SAMD12: variants seen among roughly 807,000 people sequenced by gnomAD.
SAMD12 encodes the protein sterile alpha motif domain containing 12.
In SAMD12, 9 loss-of-function variants were observed where a neutral mutation model predicts 15.0. The observed-to-expected ratio is 0.60, with a 90% confidence interval of 0.36 to 1.05. The LOEUF (loss-of-function observed/expected upper bound fraction) is 1.05. Ranked by LOEUF, SAMD12 falls within the 50% of genes least tolerant of loss-of-function variation. The pLI is 0.01. For synonymous variants in SAMD12, 86 were observed against 90.1 expected (o/e 0.96, Z 0.25); for missense variants, 230 against 234.2 (o/e 0.98, Z 0.12).
intron 2 of SAMD12, among the ~76,000 whole-genome samples, chr8:118,531,478 G>T (rs546233557): frequency 1.3e-5 from 2 of 152,274 alleles, no homozygotes; most frequent in East Asian, 3.9e-4. Flanking sequence ...GTCATTGATA[G>T]CTTGATGGGG....
At chr8:118,459,348 G>T (rs1301688674) in intron 2 of SAMD12, among the ~76,000 whole-genome samples, 1 of 152,094 alleles carries the variant, frequency 6.6e-6, no homozygotes, top group African/African-American at 2.4e-5. Context: ...TTACAGATGT[G>T]AGCCACCACA....
At chr8:118,364,449 ACTC>A (rs1314770873) in intron 4 of SAMD12, among the ~76,000 whole-genome samples, 1 of 151,860 alleles carries the variant, frequency 6.6e-6, no homozygotes, top group African/African-American at 2.4e-5. Context: ...AGAGCTGAAA[ACTC>A]CTTCTGAATT....
chr8:118,326,238 C>T lies in SAMD12; in HGVS notation c.433+53322G>A, dbSNP rs77954438. On this transcript the variant is annotated intron_variant, in intron 4 of 4. Coordinates refer to the SAMD12 transcript ENST00000409003. The stretch of plus-strand genomic sequence containing the variant: ...TTGCAGGGATTGAAAATGCAAATGA[C>T]AACTAAGTTTTCTCATAAGGAACTC... Among the ~76,000 whole-genome samples the T allele has an allele frequency of 6.0e-4, 91 of 152,174 alleles. 4 individuals are homozygous for T. In the East Asian group the frequency reaches 0.016, roughly 27 times the overall value.
Position 118,599,525 on chromosome 8 carries a change from C to T in SAMD12, c.14-18632G>A, listed in dbSNP as rs147000856. 3.5e-3 allele frequency among the ~76,000 whole-genome samples: 537 copies of T among 152,288 alleles called. 1 individual carries two copies. The highest frequency in any genetic ancestry group is 5.4e-3 in the Non-Finnish European group (366 of 68,034). Reference sequence around the variant, plus strand: ...CTGGTACCGCTTCTGTCAAAAGGCTCCCGCTCGTGGGGTGCTCAGTAAATA... The same window carrying T: ...CTGGTACCGCTTCTGTCAAAAGGCTTCCGCTCGTGGGGTGCTCAGTAAATA... On this transcript the variant is annotated intron_variant, in intron 1 of 3. Coordinates refer to ENST00000314727, the MANE Select transcript of SAMD12 (RefSeq NM_207506.3).
chr8:118,472,285 T>TA (rs573240063), intron 2 of SAMD12, among the ~76,000 whole-genome samples: 1,490 of 138,104 alleles, frequency 0.011, 25 homozygotes, highest in Middle Eastern at 0.031. Context: ...AGACTCCATC[T>TA]AAAAAAAAAA....
At chr8:118,444,382 C>T (rs1203787276) in intron 2 of SAMD12, among the ~76,000 whole-genome samples, 1 of 152,134 alleles carries the variant, frequency 6.6e-6, no homozygotes, top group African/African-American at 2.4e-5. Flanking sequence ...AAGCAGAATT[C>T]CAGACATTTC....
At chr8:118,317,663 G>A (rs568738908) in intron 4 of SAMD12, among the ~76,000 whole-genome samples, 83 of 152,296 alleles carry the variant, frequency 5.4e-4, no homozygotes, top group African/African-American at 2.0e-3. Context: ...TGCTAGTAAT[G>A]TTCTATTTCT....
At chr8:118,213,300 T>C (rs1811880668) in intron 4 of SAMD12, among the ~76,000 whole-genome samples, 1 of 152,196 alleles carries the variant, frequency 6.6e-6, no homozygotes, top group Non-Finnish European at 1.5e-5. Flanking sequence ...TTTGTGTCTG[T>C]TCTGGGCTTA....
At chr8:118,621,624 A>C in intron 1 of SAMD12, 180 bp downstream of exon 1, 1 of 672,836 alleles carries the variant, frequency 1.5e-6, no homozygotes, top group East Asian at 2.6e-5. Flanking sequence ...AAAGCAACTG[A>C]ATTAAAGCGC....
chr8:118,312,217 C>G (rs2130395293), intron 4 of SAMD12, among the ~76,000 whole-genome samples: 1 of 152,296 alleles, frequency 6.6e-6, no homozygotes, highest in Middle Eastern at 3.4e-3. Context: ...GCAATTGCTA[C>G]TTTTATCATG....
chr8:118,230,569 T>C (rs377009965), intron 4 of SAMD12, among the ~76,000 whole-genome samples: 1 of 151,970 alleles, frequency 6.6e-6, no homozygotes, highest in Non-Finnish European at 1.5e-5. Flanking sequence ...GTGTGACCTA[T>C]AGGGACAGAA....
the SAMD12 span, among the ~76,000 whole-genome samples, chr8:118,167,602 A>G: frequency 5.2e-4 from 79 of 152,332 alleles, no homozygotes; most frequent in African/African-American, 1.8e-3. Context: ...CTATACTCAG[A>G]TATCTTAGTA....
intron 4 of SAMD12, among the ~76,000 whole-genome samples, chr8:118,316,449 T>C (rs559663714): frequency 3.3e-4 from 50 of 151,660 alleles, no homozygotes; most frequent in African/African-American, 1.1e-3. Flanking sequence ...GGCAGGGGAA[T>C]TGCTTGAGTC....
At chr8:118,423,121 C>A (rs1443341020) in intron 3 of SAMD12, among the ~76,000 whole-genome samples, 1 of 152,164 alleles carries the variant, frequency 6.6e-6, no homozygotes, top group Non-Finnish European at 1.5e-5. Flanking sequence ...GGTATCGAGG[C>A]TGCAGTGAGC....
chr8:118,185,287 A>T (rs1329829664), downstream of SAMD12, among the ~76,000 whole-genome samples: 2 of 152,132 alleles, frequency 1.3e-5, no homozygotes, highest in Non-Finnish European at 2.9e-5. Context: ...TTTCGATTAC[A>T]TGAATAAGTT....
intron 2 of SAMD12, among the ~76,000 whole-genome samples, chr8:118,474,546 AT>A (rs113662358): frequency 0.035 from 4,768 of 134,430 alleles, 193 homozygotes; most frequent in African/African-American, 0.11. Context: ...ATGCCCAGCT[AT>A]TTTTTTTTTT....
intron 4 of SAMD12, among the ~76,000 whole-genome samples, chr8:118,232,916 TTAAA>T (rs1404791010): frequency 2.0e-5 from 3 of 152,162 alleles, no homozygotes; most frequent in African/African-American, 7.2e-5. Context: ...CAATTCCAGC[TTAAA>T]TAGACAATAT....
At chr8:118,255,674 G>C (rs1032039097) in intron 4 of SAMD12, among the ~76,000 whole-genome samples, 21 of 151,646 alleles carry the variant, frequency 1.4e-4, no homozygotes, top group African/African-American at 5.1e-4. Flanking sequence ...TCCCTACAAA[G>C]GACATGAACT....
chr8:118,318,310 G>GAA (rs1816027840), intron 4 of SAMD12, among the ~76,000 whole-genome samples: 2 of 113,336 alleles, frequency 1.8e-5, no homozygotes, highest in African/African-American at 6.5e-5. Context: ...AGATATATGT[G>GAA]TATATATATA....
Sources: allele counts gnomAD v4.1 joint callset (sites outside exome capture counted in the v4.1 genomes callset), GRCh38; gene constraint gnomAD v4.1.1; transcripts MANE v1.5; gene names NCBI Gene and HGNC (gene_info 2026-07-23, HGNC 2026-07-21).